Variants in SNX8 observed in about 807,000 individuals in gnomAD.
The protein encoded by SNX8 is sorting nexin 8.
In SNX8, 25 loss-of-function variants were observed where a neutral mutation model predicts 51.6. The observed-to-expected ratio is 0.48, with a 90% CI of 0.35 to 0.68. The LOEUF (loss-of-function observed/expected upper bound fraction) is 0.68. Ranked by LOEUF, SNX8 falls within the 30% of genes least tolerant of loss-of-function variation. SNX8 has a pLI of 0.00. For missense variants in SNX8, 695 were observed against 624.0 expected, an observed-to-expected ratio of 1.11 and a Z score of -1.21; for synonymous variants, 324 against 277.0, an observed-to-expected ratio of 1.17 and a Z score of -1.68.
At chr7:2,274,291 G>T (rs111881583) in intron 3 of SNX8, among the ~76,000 whole-genome samples, 3,674 of 152,352 alleles carry the variant, frequency 0.024, 45 homozygotes, top group South Asian at 0.043. Context: ...ATCATCGTAC[G>T]ATTTCAGATG....
At chr7:2,335,192 T>A (rs1381551683) in intron 1 of SNX8, among the ~76,000 whole-genome samples, 2 of 137,254 alleles carry the variant, frequency 1.5e-5, no homozygotes, top group Non-Finnish European at 3.3e-5. Context: ...TGAGACTCTG[T>A]CTCAAAAGAA....
chr7:2,330,740 C>T (rs901376588), intron 1 of SNX8, among the ~76,000 whole-genome samples: 1 of 152,062 alleles, frequency 6.6e-6, no homozygotes, highest in Non-Finnish European at 1.5e-5. Flanking sequence ...CACATTTGGG[C>T]ACAGAAGCCT....
intron 7 of SNX8, among the ~76,000 whole-genome samples, chr7:2,258,203 A>C (rs1398029071): frequency 6.6e-6 from 1 of 151,866 alleles, no homozygotes; most frequent in Non-Finnish European, 1.5e-5. Flanking sequence ...TTTTTAGTAG[A>C]GACGGGGTTT....
At chr7:2,259,539 C>T (rs1353430511) in intron 7 of SNX8, among the ~76,000 whole-genome samples, 2 of 152,142 alleles carry the variant, frequency 1.3e-5, no homozygotes, top group African/African-American at 2.4e-5. Flanking sequence ...CCGCCCAGGC[C>T]CTGCTGCACC....
chr7:2,297,441 T>C (rs894336914), intron 1 of SNX8, among the ~76,000 whole-genome samples: 1 of 148,806 alleles, frequency 6.7e-6, no homozygotes, highest in African/African-American at 2.5e-5. Flanking sequence ...TCCCAGCTAT[T>C]TGGGAGGCTG....
intron 1 of SNX8, among the ~76,000 whole-genome samples, chr7:2,312,988 C>T (rs1349477640): frequency 6.6e-6 from 1 of 152,102 alleles, no homozygotes; most frequent in Non-Finnish European, 1.5e-5. Context: ...AGCTCTGCCT[C>T]CCGGGTTCAC....
rs530595076 is a variant in SNX8, at chr7:2,344,503, T to C, written c.-66+9719A>G. ...GGTGGGTGCCTGTAGTCCCAGCTAC[T>C]TGGGAGGCTGAGGCAGGAGAATCTT... On this transcript the variant is annotated intron_variant, in intron 1 of 5. Transcript: ENST00000435336. 2.1e-4 allele frequency among the ~76,000 whole-genome samples: 32 copies of C among 151,754 alleles called. 1 individual carries two copies. In the South Asian group the frequency reaches 5.6e-3, roughly 27 times the overall value.
intron 1 of SNX8, among the ~76,000 whole-genome samples, chr7:2,313,964 C>G (rs1187104652): frequency 6.6e-6 from 1 of 152,184 alleles, no homozygotes; most frequent in Non-Finnish European, 1.5e-5. Context: ...TCAGCGTGAC[C>G]AGGCAGGGCA....
At chr7:2,349,306 G>A (rs1208620213) in intron 1 of SNX8, among the ~76,000 whole-genome samples, 6 of 151,848 alleles carry the variant, frequency 4.0e-5, no homozygotes, top group Non-Finnish European at 8.8e-5. Context: ...ATGGTATATT[G>A]GCATAAAGCA....
chr7:2,347,307 C>G (rs974611279), intron 1 of SNX8, among the ~76,000 whole-genome samples: 1 of 151,782 alleles, frequency 6.6e-6, no homozygotes, highest in Non-Finnish European at 1.5e-5. Context: ...CACGGCGAAA[C>G]CTGTTTCTAA....
At chr7:2,346,689 T>C (rs1779034082) in intron 1 of SNX8, among the ~76,000 whole-genome samples, 1 of 129,496 alleles carries the variant, frequency 7.7e-6, no homozygotes, top group South Asian at 2.3e-4. Context: ...GAGCTTGCAG[T>C]GAGCTGAGAT....
At chr7:2,319,972 T>C (rs1293484170) in intron 1 of SNX8, among the ~76,000 whole-genome samples, 1 of 152,124 alleles carries the variant, frequency 6.6e-6, no homozygotes, top group East Asian at 1.9e-4. Context: ...AGAAGGAGAC[T>C]ACATCTCAAA....
chr7:2,266,153 G>T (rs1224724426), intron 5 of SNX8, among the ~76,000 whole-genome samples: 1 of 152,126 alleles, frequency 6.6e-6, no homozygotes, highest in African/African-American at 2.4e-5. Flanking sequence ...ATTTTTGTAT[G>T]AAGAAGCAGG....
chr7:2,311,277 G>A (rs1025254890), intron 1 of SNX8, among the ~76,000 whole-genome samples: 4 of 152,180 alleles, frequency 2.6e-5, no homozygotes, highest in East Asian at 1.9e-4. Context: ...CTGTATACCC[G>A]TAAGGCACAA....
chr7:2,258,695 T>C (rs1795258993), intron 7 of SNX8, among the ~76,000 whole-genome samples: 1 of 151,968 alleles, frequency 6.6e-6, no homozygotes, highest in Non-Finnish European at 1.5e-5. Flanking sequence ...GACGTGCTGC[T>C]GATCCAGGAA....
At chr7:2,347,522 T>C (rs1440403424) in intron 1 of SNX8, among the ~76,000 whole-genome samples, 1 of 145,350 alleles carries the variant, frequency 6.9e-6, no homozygotes, top group Admixed American at 6.9e-5. Flanking sequence ...AGCCTTTGGC[T>C]GAAGGCAGTA....
chr7:2,279,713 A>G (rs1411021817), intron 1 of SNX8, among the ~76,000 whole-genome samples: 3 of 150,086 alleles, frequency 2.0e-5, no homozygotes, highest in Non-Finnish European at 4.4e-5. Context: ...TGATTGCACC[A>G]CTGCATTCTA....
chr7:2,305,027 C>G (rs1184410039), intron 1 of SNX8, among the ~76,000 whole-genome samples: 3 of 152,220 alleles, frequency 2.0e-5, no homozygotes, highest in Admixed American at 6.5e-5. Context: ...CCAGACAAGC[C>G]TTGCTGTTCC....
At chr7:2,329,042 C>T (rs551881635) in intron 1 of SNX8, among the ~76,000 whole-genome samples, 5 of 151,290 alleles carry the variant, frequency 3.3e-5, no homozygotes, top group East Asian at 1.9e-4. Context: ...GCCGAGATCA[C>T]GCCACTGCAC....
Sources: allele counts gnomAD v4.1 joint callset (sites outside exome capture counted in the v4.1 genomes callset), GRCh38; gene constraint gnomAD v4.1.1; transcripts MANE v1.5; gene names NCBI Gene and HGNC (gene_info 2026-07-23, HGNC 2026-07-21).